UBE2H: variants seen among roughly 807,000 people sequenced by gnomAD.
The protein encoded by UBE2H is ubiquitin-conjugating enzyme E2 H.
UBE2H carries 3 observed loss-of-function variants against 29.0 expected under a neutral mutation model. That is an observed-to-expected ratio of 0.10 (90% CI 0.05 to 0.27). The LOEUF (loss-of-function observed/expected upper bound fraction) is 0.27. Among genes scored for constraint, UBE2H ranks in the 10% least tolerant of loss-of-function variants. UBE2H has a pLI of 1.00. For missense variants in UBE2H, 68 were observed against 228.2 expected (o/e 0.30, Z 4.52); for synonymous variants, 69 against 82.9 (o/e 0.83, Z 0.91).
intron 3 of UBE2H, among the ~76,000 whole-genome samples, chr7:129,874,914 A>T (rs983019980): frequency 6.6e-6 from 1 of 152,178 alleles, no homozygotes; most frequent in African/African-American, 2.4e-5. Flanking sequence ...GAAGGAAAAC[A>T]GTGTGTGCAC....
chr7:129,898,295 C>G (rs1288159781), intron 1 of UBE2H, among the ~76,000 whole-genome samples: 2 of 151,914 alleles, frequency 1.3e-5, no homozygotes, highest in African/African-American at 4.8e-5. Context: ...TAGCTCAAGA[C>G]CAACAGAAAT....
chr7:129,867,724 C>A (rs368788942), intron 3 of UBE2H, among the ~76,000 whole-genome samples: 4,063 of 30,574 alleles, frequency 0.13, 222 homozygotes, highest in African/African-American at 0.2. Flanking sequence ...AAAAGAAAAC[C>A]AAAAAAAAAA....
At chr7:129,889,661 A>G (rs185281442) in intron 1 of UBE2H, among the ~76,000 whole-genome samples, 130 of 152,278 alleles carry the variant, frequency 8.5e-4, no homozygotes, top group African/African-American at 3.0e-3. Flanking sequence ...TTGTTCACAG[A>G]AGAGTACCCA....
At position 129,889,272 on chromosome 7, in the gene UBE2H, T is replaced by C. The variant is rs187385547; in HGVS notation, c.54-8301A>G. On this transcript the variant is annotated intron_variant, in intron 1 of 6. Transcript: ENST00000355621. ...AATAAGCAGAGTTAAAGCAAAAGAG[T>C]AGGAAAGAAATATTCAAGACCTCAA... Among the ~76,000 whole-genome samples, 1,303 of 151,704 alleles carry C rather than the reference T, an allele frequency of 8.6e-3. 7 individuals are homozygous for C. The highest frequency in any genetic ancestry group is 0.019 in the South Asian group (89 of 4,796).
At chr7:129,901,449 G>A (rs80307466) in intron 1 of UBE2H, among the ~76,000 whole-genome samples, 125 of 152,286 alleles carry the variant, frequency 8.2e-4, no homozygotes, top group Middle Eastern at 3.4e-3. Flanking sequence ...GATAGAGGTC[G>A]GTGGGGGCTA....
intron 1 of UBE2H, among the ~76,000 whole-genome samples, chr7:129,928,728 C>T (rs1398816693): frequency 6.6e-6 from 1 of 152,054 alleles, no homozygotes. Flanking sequence ...TTGATCATTA[C>T]ACATTGAATA....
At chr7:129,903,588 C>T (rs888507818) in intron 1 of UBE2H, among the ~76,000 whole-genome samples, 3 of 150,470 alleles carry the variant, frequency 2.0e-5, no homozygotes, top group Non-Finnish European at 4.5e-5. Context: ...CACAGCAAGA[C>T]GCCATATCTA....
At chr7:129,926,856 C>G (rs991413391) in intron 1 of UBE2H, among the ~76,000 whole-genome samples, 4 of 152,142 alleles carry the variant, frequency 2.6e-5, no homozygotes, top group African/African-American at 9.7e-5. Flanking sequence ...TACAGCAGCC[C>G]ACATAATCTT....
At chr7:129,895,195 G>C (rs920354257) in intron 1 of UBE2H, among the ~76,000 whole-genome samples, 1 of 152,162 alleles carries the variant, frequency 6.6e-6, no homozygotes, top group Non-Finnish European at 1.5e-5. Flanking sequence ...ATGCTGTGCA[G>C]AAGTCCCAAG....
At chr7:129,917,985 G>A (rs1308190474) in intron 1 of UBE2H, among the ~76,000 whole-genome samples, 1 of 152,152 alleles carries the variant, frequency 6.6e-6, no homozygotes, top group Admixed American at 6.5e-5. Flanking sequence ...ACTATTCCAT[G>A]CTATGGTTCA....
chr7:129,845,756 C>CAA (rs1805500494), intron 5 of UBE2H, among the ~76,000 whole-genome samples: 1 of 152,244 alleles, frequency 6.6e-6, no homozygotes, highest in Non-Finnish European at 1.5e-5. Context: ...TAAAAGACCA[C>CAA]AAGTCTAATC....
intron 1 of UBE2H, among the ~76,000 whole-genome samples, chr7:129,944,329 TG>T (rs1453066572): frequency 6.6e-6 from 1 of 152,194 alleles, no homozygotes; most frequent in African/African-American, 2.4e-5. Flanking sequence ...ACACTCAGCC[TG>T]GGCGACAGAG....
intron 1 of UBE2H, among the ~76,000 whole-genome samples, chr7:129,923,136 G>A (rs905616491): frequency 2.6e-5 from 4 of 151,206 alleles, no homozygotes; most frequent in Admixed American, 1.3e-4. Flanking sequence ...TCCTGACCTC[G>A]TGATCCACCC....
chr7:129,853,920 A>G (rs778808522), intron 5 of UBE2H, among the ~76,000 whole-genome samples: 18 of 152,202 alleles, frequency 1.2e-4, no homozygotes, highest in Non-Finnish European at 1.9e-4. Context: ...AAATTTCACA[A>G]TCCACTCCCT....
chr7:129,847,736 A>G (rs993766297), intron 5 of UBE2H, among the ~76,000 whole-genome samples: 6 of 152,240 alleles, frequency 3.9e-5, no homozygotes, highest in Non-Finnish European at 5.9e-5. Context: ...TCATATGTCT[A>G]GTCTTGTAGT....
chr7:129,850,823 AAG>A (rs745877079), intron 5 of UBE2H, among the ~76,000 whole-genome samples: 3 of 147,498 alleles, frequency 2.0e-5, no homozygotes, highest in Admixed American at 6.8e-5. Context: ...TCAAAAAAGA[AAG>A]AGAGAGAGAG....
chr7:129,940,904 A>G (rs149883359), intron 1 of UBE2H, among the ~76,000 whole-genome samples: 2 of 152,240 alleles, frequency 1.3e-5, no homozygotes, highest in Non-Finnish European at 2.9e-5. Context: ...CTGTGTTTTC[A>G]AAAGTTTCTA....
chr7:129,901,957 G>GA (rs774885075), intron 1 of UBE2H, among the ~76,000 whole-genome samples: 23 of 152,268 alleles, frequency 1.5e-4, no homozygotes, highest in Admixed American at 6.5e-4. Flanking sequence ...TTTGGTGGGG[G>GA]AGCGGGGGAG....
intron 5 of UBE2H, among the ~76,000 whole-genome samples, chr7:129,841,380 T>TA (rs1292134489): frequency 1.3e-5 from 2 of 152,224 alleles, no homozygotes; most frequent in African/African-American, 2.4e-5. Context: ...GCTGAGCAGT[T>TA]AGAGACTAAT....
Sources: gnomAD v4.1 joint callset for allele counts (sites outside exome capture counted in the v4.1 genomes callset) on GRCh38, gnomAD v4.1.1 for gene constraint, MANE v1.5 for transcripts, NCBI Gene and HGNC (gene_info 2026-07-23, HGNC 2026-07-21) for gene names.